The following MYO10 variants were observed in gnomAD, a reference collection of about 807,000 sequenced individuals.
MYO10 encodes the protein myosin X.
In MYO10, 133 loss-of-function variants were observed where a neutral mutation model predicts 257.3. The observed-to-expected ratio is 0.52, with a 90% confidence interval of 0.45 to 0.60. The LOEUF is 0.60. Among genes scored for constraint, MYO10 ranks in the 20% least tolerant of loss-of-function variants. The pLI is 0.00. For missense variants in MYO10, 2,399 were observed against 2,635.7 expected (o/e 0.91, Z 1.97); for synonymous variants, 1,104 against 1,028.6 (o/e 1.07, Z -1.40).
intron 2 of MYO10, among the ~76,000 whole-genome samples, chr5:16,856,602 C>A (rs1215113721): frequency 6.6e-6 from 1 of 151,160 alleles, no homozygotes; most frequent in Non-Finnish European, 1.5e-5. Flanking sequence ...TTAAAGGTAT[C>A]AATGAATCAT....
chr5:16,712,084 G>GTA (rs1738644837), intron 19 of MYO10, among the ~76,000 whole-genome samples: 1 of 139,262 alleles, frequency 7.2e-6, no homozygotes, highest in Non-Finnish European at 1.5e-5. Flanking sequence ...GGTGATGGGT[G>GTA]GATACCCACA....
intron 19 of MYO10, among the ~76,000 whole-genome samples, chr5:16,744,021 T>C (rs952835987): frequency 1.3e-5 from 2 of 152,168 alleles, no homozygotes; most frequent in African/African-American, 2.4e-5. Flanking sequence ...AAAAGTCTAT[T>C]AATGTTAAAA....
chr5:16,776,474 G>C (rs1191098181), intron 9 of MYO10, among the ~76,000 whole-genome samples: 1 of 152,084 alleles, frequency 6.6e-6, no homozygotes, highest in Non-Finnish European at 1.5e-5. Context: ...TTGCAAATTA[G>C]ATATTTAAGG....
intron 19 of MYO10, among the ~76,000 whole-genome samples, chr5:16,751,277 A>T (rs1223110467): frequency 6.6e-6 from 1 of 152,144 alleles, no homozygotes; most frequent in Admixed American, 6.5e-5. Context: ...TATATAAGGA[A>T]GTCTAAATAA....
chr5:16,901,238 C>T (rs1354586439), intron 1 of MYO10, among the ~76,000 whole-genome samples: 6 of 152,102 alleles, frequency 3.9e-5, no homozygotes, highest in Non-Finnish European at 8.8e-5. Flanking sequence ...TCGGCATTCA[C>T]ATACATTACC....
At chr5:16,761,134 G>A (rs1740701535) in intron 17 of MYO10, among the ~76,000 whole-genome samples, 1 of 152,068 alleles carries the variant, frequency 6.6e-6, no homozygotes, top group Non-Finnish European at 1.5e-5. Context: ...GGGATTACAG[G>A]TGCCTGCCAC....
At chr5:16,927,226 T>TA (rs780393605) in intron 1 of MYO10, among the ~76,000 whole-genome samples, 5 of 130,556 alleles carry the variant, frequency 3.8e-5, no homozygotes, top group South Asian at 2.7e-4. Context: ...TATGAAGGCA[T>TA]AAAAAAAAAG....
intron 2 of MYO10, among the ~76,000 whole-genome samples, chr5:16,847,889 C>T (rs569112261): frequency 6.6e-6 from 1 of 152,196 alleles, no homozygotes; most frequent in Non-Finnish European, 1.5e-5. Flanking sequence ...ATAGCAAGAC[C>T]CTGTCTCTAA....
chr5:16,831,606 T>C (rs1644108825), intron 2 of MYO10, among the ~76,000 whole-genome samples: 1 of 150,476 alleles, frequency 6.6e-6, no homozygotes, highest in Non-Finnish European at 1.5e-5. Context: ...TTATTCTAAG[T>C]GAAGTAACTC....
In MYO10 at chr5:16,766,151, T is replaced by C. The variant is rs773181173; in HGVS notation, c.1108A>G (p.Thr370Ala). 1.9e-6 allele frequency: 3 copies of C among 1,613,802 alleles called. No individual in the cohort carries two copies. In the African/African-American group the frequency reaches 4.0e-5, roughly 22 times the overall value. Residue 370 changes from threonine to alanine, a missense_variant, in exon 11 of 41, where the codon ACA becomes GCA. Transcript: ENST00000513610. ...ATTGATCTCTGGGTCAAAGCATCTGTGAGCTGTGTTGGGTCCAGCCCAAGT... is the reference window on the plus strand; with the variant it reads ...ATTGATCTCTGGGTCAAAGCATCTGCGAGCTGTGTTGGGTCCAGCCCAAGT... ...ELLGLDPTQL[T>A]DALTQRSMFL...
At chr5:16,892,378 C>T (rs1462019869) in intron 1 of MYO10, among the ~76,000 whole-genome samples, 21 of 152,252 alleles carry the variant, frequency 1.4e-4, no homozygotes, top group South Asian at 4.1e-4. Flanking sequence ...CGGTGGCTCA[C>T]GACTGTAATC....
At chr5:16,783,157 T>TTATGAGATATTACA (rs1741471938) in intron 5 of MYO10, among the ~76,000 whole-genome samples, 178 bp downstream of exon 5, 1 of 151,962 alleles carries the variant, frequency 6.6e-6, no homozygotes, top group Non-Finnish European at 1.5e-5. Flanking sequence ...GCAGAAGGAG[T>TTATGAGATATTACA]TGTTGCTGGG....
intron 1 of MYO10, among the ~76,000 whole-genome samples, chr5:16,923,390 C>T (rs566617020): frequency 8.2e-4 from 124 of 151,844 alleles, no homozygotes; most frequent in African/African-American, 2.9e-3. Context: ...GGGTTCATGC[C>T]ATTCTCCTGC....
At chr5:16,837,108 C>T (rs1435980200) in intron 2 of MYO10, among the ~76,000 whole-genome samples, 5 of 152,080 alleles carry the variant, frequency 3.3e-5, no homozygotes, top group East Asian at 1.9e-4. Flanking sequence ...GTCAGGAGTT[C>T]GAGACCAGCC....
chr5:16,819,559 TA>T (rs919287162), intron 2 of MYO10, among the ~76,000 whole-genome samples: 69 of 149,912 alleles, frequency 4.6e-4, no homozygotes, highest in African/African-American at 1.2e-3. Flanking sequence ...TCAAGAGATT[TA>T]AAAAAAAAAG....
intron 19 of MYO10, among the ~76,000 whole-genome samples, chr5:16,754,564 TA>T (rs200037446): frequency 0.032 from 4,171 of 132,242 alleles, 166 homozygotes; most frequent in African/African-American, 0.096. Context: ...AACCAAACGC[TA>T]AAAAAAAAAA....
intron 30 of MYO10, 45 bp downstream of exon 30, chr5:16,683,835 C>T (rs901799796): frequency 6.3e-7 from 1 of 1,596,226 alleles, no homozygotes; most frequent in Non-Finnish European, 8.6e-7. Flanking sequence ...TGTGGACACA[C>T]ACAGGTGATG....
rs749173533 is a variant in MYO10 at position 16,701,799 on chromosome 5, G to T, written c.2596C>A (p.Gln866Lys). The change falls in exon 25 of 41, where the codon CAG (glutamine) becomes AAG (lysine). Residue 866 changes from glutamine to lysine, a missense_variant. Gln to Lys is a moderately conservative substitution (Grantham distance 53). This residue lies in a region of MYO10 where 1,820 missense variants were observed against 1,939.4 expected (regional missense o/e 0.94). Transcript: ENST00000513610. This position sits in a 1 kb window ranked among gnomAD's most constrained non-coding sequence, Gnocchi z 8.1. The part of the protein sequence containing the change: ...TRKQQELEAL[Q>K]KSQKEAELTR... Reference sequence around the variant, plus strand: ...AGTTCAGCTTCCTTCTGGCTCTTCTGCAAGGCTTCGAGTTCTTGCTGCTTC... The same window carrying T: ...AGTTCAGCTTCCTTCTGGCTCTTCTTCAAGGCTTCGAGTTCTTGCTGCTTC... 6 of 1,611,084 alleles carry T rather than the reference G, an allele frequency of 3.7e-6. No individual in the cohort carries two copies. The Admixed American group carries it at 6.8e-5, about 18-fold the overall frequency.
At chr5:16,865,794 G>T (rs1389667251) in intron 2 of MYO10, among the ~76,000 whole-genome samples, 1 of 133,958 alleles carries the variant, frequency 7.5e-6, no homozygotes, top group Admixed American at 8.4e-5. Context: ...CTGGGTGACA[G>T]AGTTAGACTC....
Sources: gnomAD v4.1 joint callset for allele counts (sites outside exome capture counted in the v4.1 genomes callset) on GRCh38, gnomAD v4.1.1 for gene constraint, gnomAD v4.1.1 regional missense constraint, Gnocchi (gnomAD v3.1) non-coding constraint, MANE v1.5 for transcripts, NCBI Gene and HGNC (gene_info 2026-07-23, HGNC 2026-07-21) for gene names.